FANCC: variants seen among roughly 807,000 people sequenced by gnomAD.
FANCC encodes the protein FA complementation group C, also known as Fanconi anemia group C protein.
Under a neutral mutation model 71.3 loss-of-function variants are expected in FANCC, and 55 were observed. That is an observed-to-expected ratio of 0.77 (90% CI 0.62 to 0.97). The LOEUF is 0.97. Among genes scored for constraint, FANCC ranks in the 50% least tolerant of loss-of-function variants. The probability of loss-of-function intolerance (pLI) is 0.00; values close to 1 mark genes in which losing one functional copy is unlikely to be tolerated. For synonymous variants in FANCC, 275 were observed against 244.9 expected, an observed-to-expected ratio of 1.12 and a Z score of -1.15; for missense variants, 678 against 670.9, an observed-to-expected ratio of 1.01 and a Z score of -0.12.
chr9:95,189,991 T>C (rs1486419782), intron 4 of FANCC, among the ~76,000 whole-genome samples: 1 of 152,216 alleles, frequency 6.6e-6, no homozygotes, highest in Non-Finnish European at 1.5e-5. Context: ...TCATTTTGCT[T>C]GGCCACTTCC....
chr9:95,284,786 A>AACAACAGTTAAT (rs1833576114), intron 1 of FANCC, among the ~76,000 whole-genome samples: 1 of 152,130 alleles, frequency 6.6e-6, no homozygotes, highest in African/African-American at 2.4e-5. Context: ...GATAAATATT[A>AACAACAGTTAAT]ACAACAGCAG....
chr9:95,116,455 CT>C (rs1473065148), intron 11 of FANCC, among the ~76,000 whole-genome samples: 1 of 152,222 alleles, frequency 6.6e-6, no homozygotes, highest in Non-Finnish European at 1.5e-5. Context: ...TGCTCTGAAA[CT>C]TTGAATCATT....
At chr9:95,181,210 T>A (rs1826343618) in intron 4 of FANCC, among the ~76,000 whole-genome samples, 1 of 151,148 alleles carries the variant, frequency 6.6e-6, no homozygotes, top group Non-Finnish European at 1.5e-5. Flanking sequence ...AATTACATAT[T>A]TTAATTTACG....
rs914334265 is a variant in FANCC, at chr9:95,123,328, T to C, written c.996+1758A>G. 6.4e-5 allele frequency: 20 copies of C among 311,996 alleles called. 1 individual carries two copies. Among genetic ancestry groups the C allele is most frequent in the Non-Finnish European group, 1.0e-4 (17 of 161,908 alleles). The allele number at this position is 311,996 out of a possible 1,614,324, so 19.3% of individuals were successfully genotyped here. A position where few individuals can be genotyped will look rare whatever the true frequency, so the allele number is the denominator to read the frequency against. On this transcript the variant is annotated intron_variant, in intron 10 of 14. Coordinates refer to ENST00000289081, the MANE Select transcript of FANCC (RefSeq NM_000136.3). ...CAAAAAATAAAATAAAATAAAAATA[T>C]ATTTATTGTTGCTTTAAAAAGCAGA...
At chr9:95,201,044 T>C (rs1827774377) in intron 4 of FANCC, among the ~76,000 whole-genome samples, 1 of 152,230 alleles carries the variant, frequency 6.6e-6, no homozygotes, top group Non-Finnish European at 1.5e-5. Context: ...CTATAATGAA[T>C]TGCCTTTTAT....
chr9:95,135,688 A>G lies in FANCC; in HGVS notation c.687-186T>C, dbSNP rs1827567151. 5 of 604,712 alleles carry G rather than the reference A, an allele frequency of 8.3e-6. No individual in the cohort carries two copies. In the Admixed American group the frequency reaches 1.5e-4, roughly 18 times the overall value. The allele number at this position is 604,712 out of a possible 1,614,324, so 37.5% of individuals were successfully genotyped here. On this transcript the variant is annotated intron_variant, in intron 7 of 14. Coordinates refer to ENST00000289081, the MANE Select transcript of FANCC (RefSeq NM_000136.3). ...TGCTCATTTGCAAAATAATGTGAATATGCTTCCACTTCAACTCACCTTAAG... is the reference window on the plus strand; with the variant it reads ...TGCTCATTTGCAAAATAATGTGAATGTGCTTCCACTTCAACTCACCTTAAG...
At chr9:95,159,943 C>G (rs955614117) in intron 6 of FANCC, among the ~76,000 whole-genome samples, 15 of 151,958 alleles carry the variant, frequency 9.9e-5, no homozygotes, top group African/African-American at 3.6e-4. Context: ...TGTCAGATGG[C>G]TAGATTGCAA....
Position 95,138,689 on chromosome 9 carries a change from G to A in FANCC, c.687-3187C>T, listed in dbSNP as rs1241562144. Among the ~76,000 whole-genome samples, 9 of 152,328 alleles carry A rather than the reference G, an allele frequency of 5.9e-5. No individual in the cohort carries two copies. In the East Asian group the frequency reaches 1.4e-3, roughly 23 times the overall value. On this transcript the variant is annotated intron_variant, in intron 7 of 14. Coordinates refer to ENST00000289081, the MANE Select transcript of FANCC (RefSeq NM_000136.3). ...ACATCCTGGCCGAGAGCCATGGCACGGTGTTTGTCATTCATCCTGCCAGGT... is the reference window on the plus strand; with the variant it reads ...ACATCCTGGCCGAGAGCCATGGCACAGTGTTTGTCATTCATCCTGCCAGGT...
chr9:95,289,563 T>C (rs1485662073), intron 1 of FANCC, among the ~76,000 whole-genome samples: 3 of 152,236 alleles, frequency 2.0e-5, no homozygotes, highest in Non-Finnish European at 1.5e-5. Context: ...TCCACAAAAT[T>C]AATATAAATT....
At chr9:95,296,829 A>G (rs1834407566) in intron 1 of FANCC, among the ~76,000 whole-genome samples, 2 of 152,254 alleles carry the variant, frequency 1.3e-5, no homozygotes, top group African/African-American at 4.8e-5. Context: ...AATACCTTTG[A>G]TATGTCTAAA....
Position 95,150,023 on chromosome 9 carries a change from C to T in FANCC, c.586G>A (p.Val196Ile). ...AGGAGAGCCTCCACCAGGGGGTCAA[C>T]ATCTGTCAGGGTAATAAGTGGGACA... ...VCVPLITLTDVDPLVEALLIC... is the reference protein window; with the variant it reads ...VCVPLITLTDIDPLVEALLIC... Residue 196 changes from valine (V) to isoleucine (I), a missense_variant, in exon 7 of 15, where the codon GTT (valine) becomes ATT (isoleucine). By Grantham distance (29) the Val-to-Ile change is conservative. Coordinates refer to ENST00000289081, the MANE Select transcript of FANCC (RefSeq NM_000136.3). 4 of 1,614,128 alleles carry T rather than the reference C, an allele frequency of 2.5e-6. No homozygotes were observed. Among genetic ancestry groups the T allele is most frequent in the East Asian group, 4.5e-5 (2 of 44,874 alleles).
chr9:95,139,536 G>A (rs1331446019), intron 7 of FANCC, among the ~76,000 whole-genome samples: 3 of 152,152 alleles, frequency 2.0e-5, no homozygotes, highest in Non-Finnish European at 2.9e-5. Flanking sequence ...TGGCGGAACA[G>A]AGTGTGGGCC....
intron 14 of FANCC, among the ~76,000 whole-genome samples, chr9:95,106,770 A>C (rs902301529): frequency 4.6e-5 from 7 of 152,198 alleles, no homozygotes; most frequent in Non-Finnish European, 1.0e-4. Flanking sequence ...GATGGAAAGA[A>C]ATGTACGTAG....
chr9:95,179,847 T>C (rs1284395634), intron 4 of FANCC, among the ~76,000 whole-genome samples: 1 of 152,244 alleles, frequency 6.6e-6, no homozygotes, highest in Non-Finnish European at 1.5e-5. Context: ...GTCAGGTCTA[T>C]TACACCATTT....
chr9:95,311,709 C>CTTTGTGTGTGTGTGTG (rs147036059), intron 1 of FANCC, among the ~76,000 whole-genome samples: 1 of 144,494 alleles, frequency 6.9e-6, no homozygotes, highest in African/African-American at 2.6e-5. Context: ...TCCTCTGAAT[C>CTTTGTGTGTGTGTGTG]TGTGTGTGTG....
chr9:95,229,633 G>A (rs1829862864), intron 4 of FANCC, among the ~76,000 whole-genome samples: 1 of 152,164 alleles, frequency 6.6e-6, no homozygotes, highest in African/African-American at 2.4e-5. Flanking sequence ...GAATTAATCT[G>A]GAACATGTTT....
intron 4 of FANCC, among the ~76,000 whole-genome samples, chr9:95,209,087 A>C (rs1828328771): frequency 6.6e-6 from 1 of 152,228 alleles, no homozygotes. Context: ...TTTAAAAATG[A>C]GCTACTAAAT....
At chr9:95,291,672 G>A (rs1564833021) in intron 1 of FANCC, among the ~76,000 whole-genome samples, 1 of 152,008 alleles carries the variant, frequency 6.6e-6, no homozygotes, top group Non-Finnish European at 1.5e-5. Context: ...TGGAGGCTGG[G>A]CACAGTGACT....
intron 4 of FANCC, among the ~76,000 whole-genome samples, chr9:95,173,071 A>G (rs1217995055): frequency 6.6e-6 from 1 of 152,214 alleles, no homozygotes; most frequent in Non-Finnish European, 1.5e-5. Context: ...TAGCTAAGAA[A>G]CACATAAATG....
Sources: gnomAD v4.1 joint callset for allele counts (sites outside exome capture counted in the v4.1 genomes callset) on GRCh38, gnomAD v4.1.1 for gene constraint, MANE v1.5 for transcripts, NCBI Gene and HGNC (gene_info 2026-07-23, HGNC 2026-07-21) for gene names.